RAB7A: variants seen among roughly 807,000 people sequenced by gnomAD.
The protein encoded by RAB7A is RAB7A, member RAS oncogene family, also known as ras-related protein Rab-7a.
A neutral mutation model predicts 24.5 loss-of-function variants in RAB7A; 2 were observed. The observed-to-expected ratio is 0.08, with a 90% CI of 0.03 to 0.26. The LOEUF is 0.26. Ranked by LOEUF, RAB7A falls within the 10% of genes least tolerant of loss-of-function variation. The probability of loss-of-function intolerance (pLI) is 1.00; values close to 1 mark genes in which losing one functional copy is unlikely to be tolerated. For missense variants in RAB7A, 118 were observed against 255.7 expected, an observed-to-expected ratio of 0.46 and a Z score of 3.67; for synonymous variants, 100 against 95.9, an observed-to-expected ratio of 1.04 and a Z score of -0.25.
chr3:128,803,692 TG>T (rs2107614600), intron 3 of RAB7A, among the ~76,000 whole-genome samples: 1 of 152,194 alleles, frequency 6.6e-6, no homozygotes, highest in African/African-American at 2.4e-5. Flanking sequence ...ATTAAAGCAG[TG>T]GAATATTATA....
intron 1 of RAB7A, among the ~76,000 whole-genome samples, chr3:128,763,871 C>G (rs906493081): frequency 2.6e-5 from 3 of 114,972 alleles, no homozygotes; most frequent in South Asian, 3.5e-4. Context: ...CCCGCCCCCC[C>G]CCCCGCCCCT....
chr3:128,755,917 C>A (rs1270454721), intron 1 of RAB7A, among the ~76,000 whole-genome samples: 2 of 152,094 alleles, frequency 1.3e-5, no homozygotes, highest in Admixed American at 6.6e-5. Context: ...ATCCCTCCCC[C>A]CTAAAGTGAT....
intron 1 of RAB7A, among the ~76,000 whole-genome samples, chr3:128,743,306 C>T (rs2070575216): frequency 6.6e-6 from 1 of 152,260 alleles, no homozygotes; most frequent in Admixed American, 6.5e-5. Flanking sequence ...ATGCCTCTCC[C>T]TCCACAACTC....
intron 1 of RAB7A, among the ~76,000 whole-genome samples, chr3:128,758,637 T>C (rs2070751737): frequency 6.6e-6 from 1 of 152,154 alleles, no homozygotes; most frequent in African/African-American, 2.4e-5. Context: ...TGAATGACTT[T>C]AAAACAACAA....
chr3:128,805,918 T>C (rs1403731400), intron 3 of RAB7A, among the ~76,000 whole-genome samples: 1 of 152,150 alleles, frequency 6.6e-6, no homozygotes, highest in Non-Finnish European at 1.5e-5. Context: ...AGGCAAACTT[T>C]TCATACAGTA....
At chr3:128,770,545 G>A (rs1048949968) in intron 1 of RAB7A, among the ~76,000 whole-genome samples, 2 of 152,272 alleles carry the variant, frequency 1.3e-5, no homozygotes, top group African/African-American at 4.8e-5. Context: ...AGTTTATAAC[G>A]TGTCTCACCG....
chr3:128,745,847 G>A (rs967556055), intron 1 of RAB7A, among the ~76,000 whole-genome samples: 4 of 152,232 alleles, frequency 2.6e-5, no homozygotes, highest in African/African-American at 9.6e-5. Flanking sequence ...ATCCCATGCA[G>A]AGACTTTGTT....
intron 1 of RAB7A, among the ~76,000 whole-genome samples, chr3:128,760,064 C>T (rs983733472): frequency 2.0e-5 from 3 of 152,104 alleles, no homozygotes; most frequent in African/African-American, 7.2e-5. Context: ...AGATATGTGG[C>T]TAAACATTAT....
chr3:128,774,719 CCCGCCACCACG>C (rs1232181491), intron 1 of RAB7A, among the ~76,000 whole-genome samples: 1 of 152,118 alleles, frequency 6.6e-6, no homozygotes, highest in Non-Finnish European at 1.5e-5. Flanking sequence ...ACCACAGGCG[CCCGCCACCACG>C]CCCAGCTAAT....
intron 1 of RAB7A, among the ~76,000 whole-genome samples, chr3:128,773,648 A>G (rs1179465428): frequency 6.6e-6 from 1 of 152,232 alleles, no homozygotes; most frequent in East Asian, 1.9e-4. Flanking sequence ...GCAGAATAGA[A>G]AAGGGGGAAA....
intron 1 of RAB7A, among the ~76,000 whole-genome samples, chr3:128,775,731 T>A (rs1285693832): frequency 6.6e-6 from 1 of 152,238 alleles, no homozygotes; most frequent in Admixed American, 6.5e-5. Flanking sequence ...AAATGCCTGT[T>A]AAGTAGAATT....
At chr3:128,747,754 C>G (rs1256198717) in intron 1 of RAB7A, among the ~76,000 whole-genome samples, 1 of 151,006 alleles carries the variant, frequency 6.6e-6, no homozygotes, top group Non-Finnish European at 1.5e-5. Context: ...GATTCTTTTT[C>G]ATTTTGTTTT....
chr3:128,798,491 A>T (rs1041584885), intron 3 of RAB7A: 1 of 191,778 alleles, frequency 5.2e-6, no homozygotes, highest in African/African-American at 2.4e-5. Flanking sequence ...CCTATTTCAT[A>T]CGTAACTTCA....
intron 1 of RAB7A, among the ~76,000 whole-genome samples, chr3:128,774,316 A>G (rs927486723): frequency 1.3e-5 from 2 of 151,606 alleles, no homozygotes; most frequent in African/African-American, 2.4e-5. Flanking sequence ...GATAAATGCT[A>G]TATGGCCAAA....
Position 128,796,159 on chromosome 3 carries a change from G to A in RAB7A, c.53+739G>A, listed in dbSNP as rs544357829. ...GCAGAACTGGGTTCTGATTCTAGATGTGCCACTAACCATGTAGCTAACTCT... is the reference window on the plus strand; with the variant it reads ...GCAGAACTGGGTTCTGATTCTAGATATGCCACTAACCATGTAGCTAACTCT... On this transcript the variant is annotated intron_variant, in intron 2 of 5. Coordinates refer to ENST00000265062, the MANE Select transcript of RAB7A (RefSeq NM_004637.6). Among the ~76,000 whole-genome samples the A allele has an allele frequency of 2.8e-4, 42 of 152,274 alleles. No individual in the cohort carries two copies. In the South Asian group the frequency reaches 8.5e-3, roughly 31 times the overall value.
chr3:128,787,738 G>A (rs1283601089), intron 1 of RAB7A, among the ~76,000 whole-genome samples: 3 of 152,184 alleles, frequency 2.0e-5, no homozygotes, highest in Non-Finnish European at 4.4e-5. Flanking sequence ...TGAGACAGAG[G>A]GTTGTTCTGT....
At chr3:128,795,091 TTGATCCACCACCCAAG>T (rs1559794531) in intron 1 of RAB7A, among the ~76,000 whole-genome samples, 1 of 152,168 alleles carries the variant, frequency 6.6e-6, no homozygotes, top group African/African-American at 2.4e-5. Context: ...ATCCATTCAA[TTGATCCACCACCCAAG>T]TGAGAGAATA....
At chr3:128,740,822 G>A (rs1282237939) in intron 1 of RAB7A, among the ~76,000 whole-genome samples, 1 of 144,976 alleles carries the variant, frequency 6.9e-6, no homozygotes. Flanking sequence ...GATCACTTGA[G>A]CCCAGGAGGT....
chr3:128,801,932 C>T (rs1933707631), intron 3 of RAB7A, among the ~76,000 whole-genome samples: 2 of 152,186 alleles, frequency 1.3e-5, no homozygotes, highest in South Asian at 4.1e-4. Flanking sequence ...CTGAGGCTGC[C>T]AGGTGACTCT....
Sources: allele counts gnomAD v4.1 joint callset (sites outside exome capture counted in the v4.1 genomes callset), GRCh38; gene constraint gnomAD v4.1.1; transcripts MANE v1.5; gene names NCBI Gene and HGNC (gene_info 2026-07-23, HGNC 2026-07-21).